ITGAE: variants seen among roughly 807,000 people sequenced by gnomAD.
ITGAE encodes the protein integrin subunit alpha E, also known as integrin alpha-E.
Under a neutral mutation model 136.5 loss-of-function variants are expected in ITGAE, and 99 were observed. The ratio of observed to expected loss-of-function variants is 0.73; its 90% CI spans 0.62 to 0.86. ITGAE has a LOEUF of 0.86. Ranked by LOEUF, ITGAE falls within the 40% of genes least tolerant of loss-of-function variation. The pLI is 0.00. For synonymous variants in ITGAE, 613 were observed against 591.8 expected, an observed-to-expected ratio of 1.04 and a Z score of -0.52; for missense variants, 1,447 against 1,515.3, an observed-to-expected ratio of 0.95 and a Z score of 0.75.
intron 26 of ITGAE, chr17:3,726,561 C>T (rs762817584): frequency 2.7e-4 from 138 of 513,210 alleles, no homozygotes; most frequent in South Asian, 4.6e-4. Flanking sequence ...GGCACAGTGG[C>T]GTGCGCCTGT....
intron 1 of ITGAE, among the ~76,000 whole-genome samples, chr17:3,784,076 C>A (rs111418299): frequency 1.3e-5 from 2 of 151,854 alleles, no homozygotes; most frequent in African/African-American, 2.4e-5. Context: ...CTGGCTAACA[C>A]GGTGAAACCC....
Position 3,727,899 on chromosome 17 carries a change from A to G in ITGAE, c.3084+20T>C. The G allele has an allele frequency of 6.8e-7, 1 of 1,474,096 alleles. No homozygotes were observed. Among genetic ancestry groups the G allele is most frequent in the Non-Finnish European group, 9.5e-7 (1 of 1,052,900 alleles). The allele number at this position is 1,474,096 out of a possible 1,614,324, so 91.3% of individuals were successfully genotyped here. A position where few individuals can be genotyped will look rare whatever the true frequency, so the allele number is the denominator to read the frequency against. ...CACTGTGGAAAGAGGTGTGACTGAT[A>G]AAGAACTGCCTTTAAATACCTGAGT... On this transcript the variant is annotated intron_variant, in intron 26 of 30. Coordinates refer to ENST00000263087, the MANE Select transcript of ITGAE (RefSeq NM_002208.5).
chr17:3,724,690 G>A, intron 26 of ITGAE: 1 of 1,614,188 alleles, frequency 6.2e-7, no homozygotes, highest in South Asian at 1.1e-5. Context: ...ATGAACTCAG[G>A]AACCCCTGAG....
intron 20 of ITGAE, 118 bp from the exon 21 acceptor site, chr17:3,735,067 C>T (rs1316419339): frequency 8.8e-6 from 10 of 1,130,796 alleles, no homozygotes; most frequent in African/African-American, 6.1e-5. Context: ...GATCACGGCT[C>T]ACCGCAGCCT....
intron 2 of ITGAE, among the ~76,000 whole-genome samples, chr17:3,770,102 A>C (rs8076620): frequency 0.15 from 21,638 of 144,864 alleles, 2,005 homozygotes; most frequent in African/African-American, 0.26. Context: ...CTCAGGGTTT[A>C]TTTCTTTCTT....
At chr17:3,754,815 T>G in intron 12 of ITGAE, 2 of 148,450 alleles carry the variant, frequency 1.3e-5, no homozygotes, top group Non-Finnish European at 1.2e-5. Context: ...ACCCAGGTGG[T>G]CTCCAGGCCC....
rs898239581 is a variant in ITGAE at position 3,798,795 on chromosome 17, C to T, written c.34+2316G>A. Reference sequence around the variant, plus strand: ...ATGGAGAAGTGAGTTGATGTGACTGCAGAATGAGTCAGGGGTGAAGACTGA... The same window carrying T: ...ATGGAGAAGTGAGTTGATGTGACTGTAGAATGAGTCAGGGGTGAAGACTGA... On this transcript the variant is annotated intron_variant, in intron 1 of 30. Coordinates refer to ENST00000263087, the MANE Select transcript of ITGAE (RefSeq NM_002208.5). The surrounding 1 kb of genome is among the most constrained non-coding windows in gnomAD (Gnocchi z 4.3). 1.3e-5 allele frequency among the ~76,000 whole-genome samples: 2 copies of T among 152,202 alleles called. No individual in the cohort carries two copies. Among genetic ancestry groups the T allele is most frequent in the Non-Finnish European group, 2.9e-5 (2 of 68,042 alleles).
intron 26 of ITGAE, chr17:3,725,271 C>T (rs1275466382): frequency 1.2e-6 from 2 of 1,614,124 alleles, no homozygotes; most frequent in East Asian, 2.2e-5. Context: ...TTTGCTAAGC[C>T]CCTTAAACAC....
intron 2 of ITGAE, among the ~76,000 whole-genome samples, chr17:3,772,651 A>G (rs2052454286): frequency 6.6e-6 from 1 of 152,044 alleles, no homozygotes; most frequent in South Asian, 2.1e-4. Flanking sequence ...TTTAGTAGGG[A>G]CAAGGCTTCA....
chr17:3,734,780 G>A lies in ITGAE; in HGVS notation c.2655+37C>T, dbSNP rs756821318. The A allele has an allele frequency of 1.7e-5, 28 of 1,612,456 alleles. No homozygotes were observed. In the South Asian group the frequency reaches 2.0e-4, roughly 11 times the overall value. On this transcript the variant is annotated intron_variant, in intron 21 of 30. Coordinates refer to ENST00000263087, the MANE Select transcript of ITGAE (RefSeq NM_002208.5). ...AGCAGGCATGCAGCGAGGGAGGGGCGTGAGGGACCTGTTTCCACAGCCACC... is the reference window on the plus strand; with the variant it reads ...AGCAGGCATGCAGCGAGGGAGGGGCATGAGGGACCTGTTTCCACAGCCACC...
At chr17:3,773,065 G>A (rs184901598) in intron 2 of ITGAE, among the ~76,000 whole-genome samples, 8 of 152,290 alleles carry the variant, frequency 5.3e-5, no homozygotes, top group South Asian at 2.1e-4. Context: ...ATCACCAGCC[G>A]CCGGTTATTT....
At position 3,728,024 on chromosome 17, in the gene ITGAE, T is replaced by A. The variant is rs2143009349; in HGVS notation, c.2979A>T (p.Val993=). 6.2e-7 allele frequency: 1 copy of A among 1,613,124 alleles called. No individual in the cohort carries two copies. Among genetic ancestry groups the A allele is most frequent in the Non-Finnish European group, 8.5e-7 (1 of 1,179,036 alleles). ...LSHHKEFLFH[V]HGENLFGAEY... is the part of the protein sequence containing the mutation. ...CTGCTCCAAAGAGGTTCTCCCCATG[T>A]ACCTGCAAATTAAAATCAGAGTAGG... is the stretch of plus-strand genomic sequence containing the variant. The change falls in exon 26 of 31, where the codon GTA becomes GTT. Residue 993 remains valine (V), a splice_region_variant and synonymous_variant. Transcript: ENST00000263087.
Position 3,739,828 on chromosome 17 carries a change from T to A in ITGAE, c.2499A>T (p.Leu833Phe). ...CKNKLFCVAE[L>F]QLATTVSQQE... is the part of the protein sequence containing the mutation. Reference sequence around the variant, plus strand: ...ACTGAGAGACGGTGGTGGCCAACTGTAATTCTGCGACACAAAACAGCTTAT... The same window carrying A: ...ACTGAGAGACGGTGGTGGCCAACTGAAATTCTGCGACACAAAACAGCTTAT... The change falls in exon 20 of 31, where the codon TTA becomes TTT. Residue 833 changes from leucine (L) to phenylalanine (F), a missense_variant. Coordinates refer to ENST00000263087, the MANE Select transcript of ITGAE (RefSeq NM_002208.5). The A allele has an allele frequency of 6.2e-7, 1 of 1,614,144 alleles. No individual in the cohort carries two copies. Among genetic ancestry groups the A allele is most frequent in the Non-Finnish European group, 8.5e-7 (1 of 1,179,988 alleles).
At chr17:3,770,659 C>G (rs565418096) in intron 2 of ITGAE, among the ~76,000 whole-genome samples, 83 of 152,320 alleles carry the variant, frequency 5.4e-4, no homozygotes, top group African/African-American at 1.9e-3. Context: ...AGGCCCCACT[C>G]TCTGCAGCAG....
intron 1 of ITGAE, among the ~76,000 whole-genome samples, chr17:3,779,268 G>A (rs533936404): frequency 6.6e-6 from 1 of 152,186 alleles, no homozygotes; most frequent in South Asian, 2.1e-4. Flanking sequence ...ACATTTTGTT[G>A]ATATGTATGC....
intron 16 of ITGAE, among the ~76,000 whole-genome samples, chr17:3,748,674 C>T (rs1372247042): frequency 2.6e-5 from 4 of 152,108 alleles, no homozygotes; most frequent in African/African-American, 9.7e-5. Context: ...GGAGGCATTT[C>T]GGTTGAGATT....
rs189699798 is a variant in ITGAE, at chr17:3,749,503, G to C, written c.2024+849C>G. ...TCCTGACCTTGTGATCCACCCGCCT[G>C]GGCCTCCCAAAGTGCTGGGATTACA... On this transcript the variant is annotated intron_variant, in intron 16 of 30. Transcript: ENST00000263087. Among the ~76,000 whole-genome samples, 877 of 152,118 alleles carry C rather than the reference G, an allele frequency of 5.8e-3. 11 individuals are homozygous for C. The highest frequency in any genetic ancestry group is 0.018 in the African/African-American group (754 of 41,518).
Position 3,750,451 on chromosome 17 carries a change from A to T in ITGAE, c.1925T>A (p.Leu642His). 6.2e-7 allele frequency: 1 copy of T among 1,614,158 alleles called. No homozygotes were observed. The highest frequency in any genetic ancestry group is 8.5e-7 in the Non-Finnish European group (1 of 1,180,016). ...RIRASTVAPG[L>H]QYFGMSMAGG... is the part of the protein sequence containing the mutation. ...AGCCATGGACATGCCGAAGTACTGG[A>T]GTCCTGGGGCCACCGTGGAGGCTCT... Residue 642 changes from leucine to histidine, a missense_variant, in exon 16 of 31, where the codon CTC becomes CAC. By Grantham distance (99) the Leu-to-His change is moderately conservative (BLOSUM62 -3). Around this residue, in one of 3 missense-constraint regions of ITGAE, gnomAD observed 1,031 missense variants for 1,011.4 expected, o/e 1.02. Coordinates refer to ENST00000263087, the MANE Select transcript of ITGAE (RefSeq NM_002208.5).
intron 2 of ITGAE, 115 bp downstream of exon 2, chr17:3,777,425 A>G: frequency 7.6e-7 from 1 of 1,316,418 alleles, no homozygotes; most frequent in Non-Finnish European, 1.0e-6. Context: ...AAGAGAAAGG[A>G]GTTCCTCTCC....
Sources: gnomAD v4.1 joint callset for allele counts (sites outside exome capture counted in the v4.1 genomes callset) on GRCh38, gnomAD v4.1.1 for gene constraint, gnomAD v4.1.1 regional missense constraint, Gnocchi (gnomAD v3.1) non-coding constraint, MANE v1.5 for transcripts, NCBI Gene and HGNC (gene_info 2026-07-23, HGNC 2026-07-21) for gene names.